Variants in RTL4 observed in about 807,000 individuals in gnomAD.
RTL4 encodes retrotransposon Gag-like protein 4.
In RTL4, 4 loss-of-function variants were observed where a neutral mutation model predicts 5.3. That is an observed-to-expected ratio of 0.75 (90% CI 0.37 to 1.72). The LOEUF is 1.72. Ranked by LOEUF, RTL4 falls within the 40% of genes most tolerant of loss-of-function variation. The pLI is 0.04. For missense variants in RTL4, 260 were observed against 227.1 expected (o/e 1.14, Z -0.93); for synonymous variants, 98 against 87.3 (o/e 1.12, Z -0.68).
chrX:112,393,988 G>A, the RTL4 span, among the ~76,000 whole-genome samples: 1 of 111,655 alleles, frequency 9.0e-6, no homozygotes, highest in Admixed American at 9.4e-5. Context: ...CAGCTGCTCT[G>A]TCAAGACTCC....
At chrX:112,278,530 G>A in the RTL4 span, among the ~76,000 whole-genome samples, 1 of 111,707 alleles carries the variant, frequency 9.0e-6, no homozygotes, top group Non-Finnish European at 1.9e-5. Flanking sequence ...TTGAGTAAAA[G>A]GAGGCTTTAT....
At chrX:112,417,207 T>C in the RTL4 span, among the ~76,000 whole-genome samples, 1 of 111,545 alleles carries the variant, frequency 9.0e-6, no homozygotes, top group Non-Finnish European at 1.9e-5. Flanking sequence ...AGGTCTGTCT[T>C]CAGAAGTGGG....
chrX:112,224,193 T>C, the RTL4 span, among the ~76,000 whole-genome samples: 26 of 111,495 alleles, frequency 2.3e-4, no homozygotes, highest in African/African-American at 7.2e-4. Context: ...AGTAGAGACA[T>C]GGTCTGCAAA....
chrX:112,456,063 G>C (rs897288580), exon 1 of RTL4: 1 of 285,513 alleles, frequency 3.5e-6, no homozygotes, highest in Non-Finnish European at 6.4e-6. Context: ...ATGAGCCCAA[G>C]ACTTTTACCT....
At chrX:112,179,263 G>A in the RTL4 span, among the ~76,000 whole-genome samples, 1 of 111,206 alleles carries the variant, frequency 9.0e-6, no homozygotes, top group Non-Finnish European at 1.9e-5. Context: ...TGGGGGTCTA[G>A]AGGGAATCTG....
chrX:112,360,907 T>C, the RTL4 span, among the ~76,000 whole-genome samples: 3 of 111,010 alleles, frequency 2.7e-5, no homozygotes, highest in African/African-American at 9.8e-5. Context: ...CTGGAGTTAT[T>C]TATGGCCTAG....
the RTL4 span, among the ~76,000 whole-genome samples, chrX:112,423,162 G>A: frequency 9.1e-6 from 1 of 110,267 alleles, no homozygotes; most frequent in African/African-American, 3.3e-5. Flanking sequence ...TAAATGACAG[G>A]AGAATCAATT....
chrX:112,218,609 T>G, the RTL4 span, among the ~76,000 whole-genome samples: 7 of 112,030 alleles, frequency 6.2e-5, no homozygotes, highest in South Asian at 7.4e-4. Context: ...TACCATACTC[T>G]CATACACAGC....
the RTL4 span, among the ~76,000 whole-genome samples, chrX:112,402,819 C>T: frequency 2.4e-4 from 27 of 110,948 alleles, no homozygotes; most frequent in African/African-American, 8.2e-4. Flanking sequence ...GATGAGCAAT[C>T]AGGTACTGGC....
At chrX:112,399,683 T>C in the RTL4 span, among the ~76,000 whole-genome samples, 304 of 111,837 alleles carry the variant, frequency 2.7e-3, 1 homozygote, top group African/African-American at 9.6e-3. Context: ...ATGTTGTTGC[T>C]ATTCTTGGGG....
At chrX:112,341,049 G>A in the RTL4 span, among the ~76,000 whole-genome samples, 2 of 110,647 alleles carry the variant, frequency 1.8e-5, no homozygotes, top group African/African-American at 6.6e-5. Flanking sequence ...GACTAATTAA[G>A]CATTATGTGA....
At chrX:112,145,209 G>C in the RTL4 span, among the ~76,000 whole-genome samples, 1 of 111,663 alleles carries the variant, frequency 9.0e-6, no homozygotes, top group Non-Finnish European at 1.9e-5. Flanking sequence ...ATGAGCACAG[G>C]AGCAATACTT....
chrX:112,335,783 A>G, the RTL4 span, among the ~76,000 whole-genome samples: 1 of 110,450 alleles, frequency 9.1e-6, no homozygotes, highest in Non-Finnish European at 1.9e-5. Context: ...GTGTTAAATT[A>G]TGATAAAAGA....
At chrX:112,170,213 T>C in the RTL4 span, among the ~76,000 whole-genome samples, 152 of 112,540 alleles carry the variant, frequency 1.4e-3, no homozygotes, top group African/African-American at 4.7e-3. Flanking sequence ...GCTTTGTTCA[T>C]TGTGTTTAAG....
the RTL4 span, among the ~76,000 whole-genome samples, chrX:112,306,750 T>C: frequency 9.0e-6 from 1 of 111,542 alleles, no homozygotes; most frequent in Non-Finnish European, 1.9e-5. Context: ...GCATGCAGAT[T>C]CCCAGCTACC....
At chrX:112,292,949 T>C in the RTL4 span, among the ~76,000 whole-genome samples, 1 of 112,185 alleles carries the variant, frequency 8.9e-6, no homozygotes, top group Non-Finnish European at 1.9e-5. Context: ...CCCAAGAACA[T>C]ATCTACTGTG....
chrX:112,186,460 T>G, the RTL4 span, among the ~76,000 whole-genome samples: 1 of 112,152 alleles, frequency 8.9e-6, no homozygotes, highest in Admixed American at 9.5e-5. Context: ...TATGTTTTTA[T>G]GTACCATTGT....
the RTL4 span, among the ~76,000 whole-genome samples, chrX:112,329,139 G>A: frequency 9.1e-6 from 1 of 110,385 alleles, no homozygotes; most frequent in Non-Finnish European, 1.9e-5. Flanking sequence ...GCTAGCAGAA[G>A]GCAAGAAATA....
chrX:112,133,275 C>T, the RTL4 span, among the ~76,000 whole-genome samples: 3 of 111,673 alleles, frequency 2.7e-5, no homozygotes, highest in Admixed American at 1.9e-4. Context: ...TGTAAATCTT[C>T]GTTTCAGTGG....
Sources: gnomAD v4.1 joint callset for allele counts (sites outside exome capture counted in the v4.1 genomes callset) on GRCh38, gnomAD v4.1.1 for gene constraint, MANE v1.5 for transcripts, NCBI Gene and HGNC (gene_info 2026-07-23, HGNC 2026-07-21) for gene names.